CELF2: variants seen among roughly 807,000 people sequenced by gnomAD.
CELF2 encodes CUGBP Elav-like family member 2.
A neutral mutation model predicts 62.6 loss-of-function variants in CELF2; 8 were observed. The observed-to-expected ratio is 0.13, with a 90% confidence interval of 0.07 to 0.23. The LOEUF (loss-of-function observed/expected upper bound fraction) is 0.23. Among genes scored for constraint, CELF2 ranks in the 10% least tolerant of loss-of-function variants. The probability of loss-of-function intolerance (pLI) is 1.00; values close to 1 mark genes in which losing one functional copy is unlikely to be tolerated. For missense variants in CELF2, 333 were observed against 671.0 expected (o/e 0.50, Z 5.56); for synonymous variants, 258 against 250.0 (o/e 1.03, Z -0.30).
At chr10:10,516,678 A>C in the CELF2 span, among the ~76,000 whole-genome samples, 681 of 151,742 alleles carry the variant, frequency 4.5e-3, 4 homozygotes, top group African/African-American at 0.016. Flanking sequence ...TCCTGTGTAA[A>C]TTATGTCCAT....
intron 1 of CELF2, among the ~76,000 whole-genome samples, chr10:10,917,699 T>G (rs1455837250): frequency 6.6e-6 from 1 of 152,166 alleles, no homozygotes; most frequent in Non-Finnish European, 1.5e-5. Context: ...TAGCATTGTC[T>G]GAGGACATGT....
chr10:10,593,365 C>A, the CELF2 span, among the ~76,000 whole-genome samples: 1 of 152,234 alleles, frequency 6.6e-6, no homozygotes, highest in South Asian at 2.1e-4. Flanking sequence ...ACTTGAGTGA[C>A]TTCACATGGT....
At chr10:11,186,088 C>T (rs1215899959) in intron 2 of CELF2, among the ~76,000 whole-genome samples, 1 of 152,142 alleles carries the variant, frequency 6.6e-6, no homozygotes, top group Non-Finnish European at 1.5e-5. Flanking sequence ...TCCATTTACC[C>T]TACGTGGTCA....
the CELF2 span, among the ~76,000 whole-genome samples, chr10:10,779,817 T>C: frequency 6.6e-6 from 1 of 152,070 alleles, no homozygotes; most frequent in African/African-American, 2.4e-5. Flanking sequence ...CATATCTTAA[T>C]TTCTTTTTCT....
chr10:10,937,280 T>C (rs1242892851), intron 2 of CELF2, among the ~76,000 whole-genome samples: 1 of 152,010 alleles, frequency 6.6e-6, no homozygotes, highest in Non-Finnish European at 1.5e-5. Context: ...TATAGGCAAG[T>C]GCCACCATGC....
chr10:10,917,628 G>A (rs960243636), intron 1 of CELF2, among the ~76,000 whole-genome samples: 5 of 152,104 alleles, frequency 3.3e-5, no homozygotes, highest in African/African-American at 9.7e-5. Context: ...TGTGTGAGCC[G>A]CTGTGCTTGG....
rs975438823 is a variant in CELF2, at chr10:11,309,419, C to T, written c.977-4720C>T. ...ACAGCCTTGAGCTATGAGTGACATT[C>T]CTATTTTTCCTTTGTTAAATTACAA... On this transcript the variant is annotated intron_variant, in intron 9 of 12. Coordinates refer to ENST00000633077, the MANE Select transcript of CELF2 (RefSeq NM_001326342.2). This position sits in a 1 kb window ranked among gnomAD's most constrained non-coding sequence, Gnocchi z 5.6. Among the ~76,000 whole-genome samples the T allele has an allele frequency of 1.3e-5, 2 of 152,230 alleles. No homozygotes were observed. Among genetic ancestry groups the T allele is most frequent in the African/African-American group, 2.4e-5 (1 of 41,450 alleles).
At chr10:10,919,531 G>T (rs1478118535) in intron 1 of CELF2, among the ~76,000 whole-genome samples, 1 of 152,178 alleles carries the variant, frequency 6.6e-6, no homozygotes, top group Non-Finnish European at 1.5e-5. Flanking sequence ...TAAGCTTCGG[G>T]TGACAGAGGT....
At chr10:10,708,057 A>G in the CELF2 span, among the ~76,000 whole-genome samples, 9 of 152,360 alleles carry the variant, frequency 5.9e-5, no homozygotes, top group South Asian at 1.9e-3. Context: ...CTTCATATAA[A>G]CAAAGGCTTT....
the CELF2 span, among the ~76,000 whole-genome samples, chr10:10,560,384 C>T: frequency 2.0e-5 from 3 of 152,154 alleles, no homozygotes; most frequent in South Asian, 2.1e-4. Flanking sequence ...CTATTACTAA[C>T]GGATTACCAA....
intron 1 of CELF2, among the ~76,000 whole-genome samples, chr10:11,164,628 G>T (rs1274044854): frequency 1.3e-5 from 2 of 150,990 alleles, no homozygotes; most frequent in East Asian, 1.9e-4. Flanking sequence ...GAAATATTCA[G>T]TGTCTTTTAG....
intron 1 of CELF2, among the ~76,000 whole-genome samples, chr10:11,095,428 C>A (rs545798515): frequency 8.5e-5 from 13 of 152,288 alleles, no homozygotes; most frequent in African/African-American, 3.1e-4. Context: ...TGTATGTAGC[C>A]GTCTCAGTGC....
At chr10:11,155,125 C>G (rs1039052100) in intron 1 of CELF2, among the ~76,000 whole-genome samples, 2 of 152,230 alleles carry the variant, frequency 1.3e-5, no homozygotes, top group Non-Finnish European at 1.5e-5. Context: ...CTTTAAGGCA[C>G]CATTTCTCTT....
chr10:11,025,243 A>G (rs372890410), intron 1 of CELF2, among the ~76,000 whole-genome samples: 4 of 114,084 alleles, frequency 3.5e-5, no homozygotes, highest in Admixed American at 9.2e-5. Flanking sequence ...GTGTGTGTAT[A>G]TGTATGTGAC....
intron 3 of CELF2, among the ~76,000 whole-genome samples, chr10:11,241,443 A>G (rs1449163038): frequency 2.0e-5 from 3 of 151,978 alleles, no homozygotes; most frequent in Admixed American, 1.3e-4. Flanking sequence ...GAAGTGATCC[A>G]CCCACCTTGG....
chr10:11,146,320 C>T lies in CELF2; in HGVS notation c.75-19166C>T, dbSNP rs192283990. Among the ~76,000 whole-genome samples, 117 of 152,290 alleles carry T rather than the reference C, an allele frequency of 7.7e-4. 1 individual carries two copies. Among genetic ancestry groups the T allele is most frequent in the African/African-American group, 2.1e-3 (87 of 41,558 alleles). On this transcript the variant is annotated intron_variant, in intron 1 of 12. Coordinates refer to ENST00000633077, the MANE Select transcript of CELF2 (RefSeq NM_001326342.2). ...CAAAAGGACCCAAAGTGTAATTAAT[C>T]GAGCTTTCTACCAGAGTATCTTTTC... is the stretch of plus-strand genomic sequence containing the variant.
At chr10:10,782,003 G>A in the CELF2 span, among the ~76,000 whole-genome samples, 20 of 152,000 alleles carry the variant, frequency 1.3e-4, no homozygotes, top group African/African-American at 4.6e-4. Flanking sequence ...CATTTTATTC[G>A]GTATTTTAAG....
chr10:10,464,940 A>G, the CELF2 span, among the ~76,000 whole-genome samples: 1 of 152,142 alleles, frequency 6.6e-6, no homozygotes, highest in Non-Finnish European at 1.5e-5. Flanking sequence ...CTGAAGTGCT[A>G]TGACATTACA....
chr10:11,233,786 G>A (rs1263005071), intron 3 of CELF2, among the ~76,000 whole-genome samples: 1 of 152,224 alleles, frequency 6.6e-6, no homozygotes, highest in Non-Finnish European at 1.5e-5. Context: ...TCTTTATCAA[G>A]TTGGGACTCA....
Sources: gnomAD v4.1 joint callset for allele counts (sites outside exome capture counted in the v4.1 genomes callset) on GRCh38, gnomAD v4.1.1 for gene constraint, Gnocchi (gnomAD v3.1) non-coding constraint, MANE v1.5 for transcripts, NCBI Gene and HGNC (gene_info 2026-07-23, HGNC 2026-07-21) for gene names.